The following SEMA6A variants were observed in gnomAD, a reference collection of about 807,000 sequenced individuals.
SEMA6A encodes semaphorin 6A, also known as semaphorin-6A.
In SEMA6A, 25 loss-of-function variants were observed where a neutral mutation model predicts 96.8. The observed-to-expected ratio is 0.26, with a 90% CI of 0.19 to 0.36. The LOEUF is 0.36. Among genes scored for constraint, SEMA6A ranks in the 10% least tolerant of loss-of-function variants. The pLI is 1.00. For synonymous variants in SEMA6A, 612 were observed against 518.0 expected, an observed-to-expected ratio of 1.18 and a Z score of -2.46; for missense variants, 1,363 against 1,323.1, an observed-to-expected ratio of 1.03 and a Z score of -0.47.
chr5:116,447,169 T>G lies in SEMA6A; in HGVS notation c.2537A>C (p.Gln846Pro). The change falls in exon 19 of 19, where the codon CAG (glutamine) becomes CCG (proline). Residue 846 changes from glutamine (Q) to proline (P), a missense_variant. Physicochemically the swap from Gln to Pro is moderately conservative, Grantham distance 76. This residue lies in a region of SEMA6A where 883 missense variants were observed against 763.6 expected (regional missense o/e 1.16). Transcript: ENST00000343348. ...SEVAQMALEDQAATLEYKTIK... is the reference protein window; with the variant it reads ...SEVAQMALEDPAATLEYKTIK... ...GGTCTTATACTCCAGTGTGGCGGCC[T>G]GGTCCTCCAGCGCCATCTGGGCCAC... is the stretch of plus-strand genomic sequence containing the variant. The G allele has an allele frequency of 6.2e-7, 1 of 1,614,036 alleles. No individual in the cohort carries two copies. The highest frequency in any genetic ancestry group is 8.5e-7 in the Non-Finnish European group (1 of 1,179,900).
intron 6 of SEMA6A, among the ~76,000 whole-genome samples, chr5:116,494,116 T>G (rs1026751337): frequency 1.3e-5 from 2 of 152,218 alleles, no homozygotes; most frequent in Non-Finnish European, 2.9e-5. Context: ...CGGTTTGGTT[T>G]TATCTATTCT....
Position 116,446,888 on chromosome 5 carries a change from T to TA in SEMA6A, c.2817dup (p.Asn940Ter). On this transcript the variant is annotated frameshift_variant, in exon 19 of 19. Coordinates refer to ENST00000343348, the MANE Select transcript of SEMA6A (RefSeq NM_020796.5). LOFTEE classifies it high-confidence loss of function. ...GAGAGGTGAGAGGAATTGGAGGAGT[T>TA]AGTGTTGTTTCTTTTGAGAGTGGTG... 2 of 1,613,868 alleles carry TA rather than the reference T, an allele frequency of 1.2e-6. No homozygotes were observed. The highest frequency in any genetic ancestry group is 8.5e-7 in the Non-Finnish European group (1 of 1,179,866).
At chr5:116,454,911 T>A (rs183317348) in intron 18 of SEMA6A, among the ~76,000 whole-genome samples, 401 of 152,276 alleles carry the variant, frequency 2.6e-3, no homozygotes, top group Non-Finnish European at 4.5e-3. Flanking sequence ...ATAAAGTTAA[T>A]GACTGACCAT....
At chr5:116,557,981 C>T (rs975045885) in intron 1 of SEMA6A, among the ~76,000 whole-genome samples, 1 of 152,196 alleles carries the variant, frequency 6.6e-6, no homozygotes, top group Non-Finnish European at 1.5e-5. Flanking sequence ...ATGATACCAA[C>T]TCAAATATGG....
chr5:116,490,565 A>C (rs929018246), intron 7 of SEMA6A, among the ~76,000 whole-genome samples: 6 of 152,186 alleles, frequency 3.9e-5, no homozygotes, highest in African/African-American at 1.4e-4. Context: ...ATAGGTCTAC[A>C]AGACTTTGTA....
chr5:116,446,525 G>C lies in SEMA6A; in HGVS notation c.*88C>G. ...TGCCGCAGGCCTTCTTGGTCTGGTG[G>C]GTACTCGAGGCAGTTGAGAACCTTG... is the stretch of plus-strand genomic sequence containing the variant. On this transcript the variant is annotated 3_prime_UTR_variant, in exon 19 of 19. Transcript: ENST00000343348. 1.2e-5 allele frequency: 14 copies of C among 1,139,400 alleles called. No homozygotes were observed. The highest frequency in any genetic ancestry group is 1.7e-5 in the Non-Finnish European group (14 of 828,084). The allele number at this position is 1,139,400 out of a possible 1,614,324, so 70.6% of individuals were successfully genotyped here.
chr5:116,525,472 C>G (rs1759180217), intron 1 of SEMA6A, among the ~76,000 whole-genome samples: 1 of 152,162 alleles, frequency 6.6e-6, no homozygotes, highest in Non-Finnish European at 1.5e-5. Flanking sequence ...CCTCACCTTT[C>G]AGCATTTTGA....
At chr5:116,485,525 C>T (rs537198476) in intron 10 of SEMA6A, among the ~76,000 whole-genome samples, 1 of 152,226 alleles carries the variant, frequency 6.6e-6, no homozygotes, top group African/African-American at 2.4e-5. Context: ...AATACGGGTT[C>T]GTATTTTCAT....
intron 1 of SEMA6A, among the ~76,000 whole-genome samples, chr5:116,531,832 G>A (rs1705742859): frequency 1.3e-5 from 2 of 152,082 alleles, no homozygotes; most frequent in Admixed American, 6.5e-5. Context: ...GTCACCTGCT[G>A]TAACCTAAGT....
At chr5:116,523,233 C>T (rs1228283953) in intron 1 of SEMA6A, among the ~76,000 whole-genome samples, 1 of 152,134 alleles carries the variant, frequency 6.6e-6, no homozygotes. Flanking sequence ...ATTTTGACCA[C>T]TTTGAGGTTG....
At chr5:116,495,826 C>G in intron 5 of SEMA6A, 1 of 365,582 alleles carries the variant, frequency 2.7e-6, no homozygotes, top group Non-Finnish European at 5.0e-6. Context: ...CCAGCGTTCC[C>G]TGATGTACAA....
intron 1 of SEMA6A, among the ~76,000 whole-genome samples, chr5:116,562,213 G>T (rs1375770396): frequency 2.0e-5 from 3 of 152,136 alleles, no homozygotes; most frequent in Non-Finnish European, 4.4e-5. Context: ...TTTAATTTCA[G>T]TAATTTCTCA....
intron 2 of SEMA6A, 83 bp downstream of exon 2, chr5:116,504,762 T>C (rs1758061319): frequency 6.3e-6 from 7 of 1,105,794 alleles, no homozygotes. Flanking sequence ...TTCTATTTCA[T>C]TTTTCAGTTT....
At chr5:116,490,246 AT>A (rs1421191113) in intron 7 of SEMA6A, among the ~76,000 whole-genome samples, 1 of 152,234 alleles carries the variant, frequency 6.6e-6, no homozygotes, top group East Asian at 1.9e-4. Context: ...GGCCCAAAAA[AT>A]ATCTACGAAT....
intron 7 of SEMA6A, among the ~76,000 whole-genome samples, chr5:116,490,878 A>G (rs1757295512): frequency 6.6e-6 from 1 of 152,202 alleles, no homozygotes; most frequent in South Asian, 2.1e-4. Flanking sequence ...ACCTCCACAT[A>G]CACAGCTGGT....
At chr5:116,497,461 G>A (rs566884626) in intron 3 of SEMA6A, 74 bp from the exon 4 acceptor site, 1 of 890,516 alleles carries the variant, frequency 1.1e-6, no homozygotes, top group South Asian at 1.6e-5. Context: ...AATGAGTTAT[G>A]TCTTATCAGG....
At chr5:116,459,744 C>T (rs1029861375) in intron 18 of SEMA6A, among the ~76,000 whole-genome samples, 1 of 152,154 alleles carries the variant, frequency 6.6e-6, no homozygotes, top group African/African-American at 2.4e-5. Context: ...CCCCCTCTTT[C>T]CTTGACTTCC....
chr5:116,494,491 A>G (rs1301346783), intron 6 of SEMA6A, among the ~76,000 whole-genome samples: 2 of 152,196 alleles, frequency 1.3e-5, no homozygotes, highest in Non-Finnish European at 2.9e-5. Flanking sequence ...TGTGGGAACA[A>G]CAGGTAGGAA....
In SEMA6A at chr5:116,446,568, C is replaced by T. The variant is rs1331468476; in HGVS notation, c.*45G>A. On this transcript the variant is annotated 3_prime_UTR_variant, in exon 19 of 19. Transcript: ENST00000343348. The stretch of plus-strand genomic sequence containing the variant: ...GAACCTTGCTGAGCTGAGCGGGCAC[C>T]TCGCCTTGCCTGCTGGTTCGACACC... 76 of 1,438,578 alleles carry T rather than the reference C, an allele frequency of 5.3e-5. 1 individual carries two copies. Among genetic ancestry groups the T allele is most frequent in the Non-Finnish European group, 6.9e-5 (75 of 1,086,528 alleles). The allele number at this position is 1,438,578 out of a possible 1,614,324, so 89.1% of individuals were successfully genotyped here.
Sources: allele counts gnomAD v4.1 joint callset (sites outside exome capture counted in the v4.1 genomes callset), GRCh38; gene constraint gnomAD v4.1.1; regional missense constraint gnomAD v4.1.1; transcripts MANE v1.5; gene names NCBI Gene and HGNC (gene_info 2026-07-23, HGNC 2026-07-21).